The following SLC41A3 variants were observed in gnomAD, a reference collection of about 807,000 sequenced individuals.
SLC41A3 encodes the protein SLC41A1-like 2.
A neutral mutation model predicts 45.4 loss-of-function variants in SLC41A3; 44 were observed. The observed-to-expected ratio is 0.97, with a 90% CI of 0.76 to 1.25. SLC41A3 has a LOEUF of 1.25. Among genes scored for constraint, SLC41A3 ranks in the 50% most tolerant of loss-of-function variants. The pLI is 0.00. For missense variants in SLC41A3, 550 were observed against 600.6 expected, an observed-to-expected ratio of 0.92 and a Z score of 0.88; for synonymous variants, 256 against 252.4, an observed-to-expected ratio of 1.01 and a Z score of -0.13.
intron 1 of SLC41A3, among the ~76,000 whole-genome samples, chr3:126,073,601 C>T (rs1944734031): frequency 6.6e-6 from 1 of 151,802 alleles, no homozygotes; most frequent in Non-Finnish European, 1.5e-5. Flanking sequence ...ATAAATAAAG[C>T]TAAAAAAATT....
chr3:126,096,791 AC>A (rs34049220), intron 1 of SLC41A3, among the ~76,000 whole-genome samples: 34,371 of 152,088 alleles, frequency 0.23, 4,409 homozygotes, highest in Non-Finnish European at 0.28. Context: ...AGGCTGTGAG[AC>A]CCCTGATTTC....
chr3:126,041,675 C>G (rs1232893017), intron 3 of SLC41A3, among the ~76,000 whole-genome samples: 1 of 152,190 alleles, frequency 6.6e-6, no homozygotes, highest in Non-Finnish European at 1.5e-5. Flanking sequence ...TTACTTCCAA[C>G]AAATCTTATC....
chr3:126,013,320 G>A (rs999867361), intron 8 of SLC41A3, among the ~76,000 whole-genome samples: 4 of 152,026 alleles, frequency 2.6e-5, no homozygotes, highest in Non-Finnish European at 4.4e-5. Flanking sequence ...AGCACTTTTG[G>A]AGGCTGAGGT....
At chr3:126,036,234 T>A (rs1942178995) in intron 3 of SLC41A3, among the ~76,000 whole-genome samples, 1 of 152,226 alleles carries the variant, frequency 6.6e-6, no homozygotes, top group African/African-American at 2.4e-5. Context: ...GTATTCTCCA[T>A]GCACGCCTCG....
intron 2 of SLC41A3, among the ~76,000 whole-genome samples, chr3:126,052,158 C>T (rs913414910): frequency 2.0e-5 from 3 of 152,186 alleles, no homozygotes; most frequent in African/African-American, 7.2e-5. Context: ...AGTTTGCCCT[C>T]TCTTAAAACT....
upstream of SLC41A3, among the ~76,000 whole-genome samples, chr3:126,086,150 A>C (rs1945383418): frequency 1.3e-5 from 2 of 152,166 alleles, no homozygotes; most frequent in African/African-American, 4.8e-5. Context: ...GAAAACAAGG[A>C]GAATGACCTC....
At chr3:126,019,052 G>A (rs536911807) in intron 6 of SLC41A3, among the ~76,000 whole-genome samples, 7 of 152,252 alleles carry the variant, frequency 4.6e-5, no homozygotes, top group Admixed American at 3.3e-4. Context: ...TAAAGAAAAC[G>A]AATTTGTTCT....
chr3:126,053,704 G>A (rs936027903), intron 2 of SLC41A3, among the ~76,000 whole-genome samples: 1 of 151,928 alleles, frequency 6.6e-6, no homozygotes, highest in African/African-American at 2.4e-5. Context: ...TGATACCCTG[G>A]GCTTGTGTGG....
At chr3:126,064,544 C>T (rs1343083543) in intron 2 of SLC41A3, among the ~76,000 whole-genome samples, 1 of 152,028 alleles carries the variant, frequency 6.6e-6, no homozygotes, top group Non-Finnish European at 1.5e-5. Flanking sequence ...GTCCACCATC[C>T]CCATAACCCT....
chr3:126,075,686 G>A (rs934599071), intron 1 of SLC41A3, among the ~76,000 whole-genome samples: 1 of 152,178 alleles, frequency 6.6e-6, no homozygotes. Flanking sequence ...ATGCATCTAT[G>A]GCCAATGGAT....
chr3:126,048,739 G>A (rs1479233315), intron 3 of SLC41A3, among the ~76,000 whole-genome samples: 3 of 152,174 alleles, frequency 2.0e-5, no homozygotes, highest in Non-Finnish European at 4.4e-5. Context: ...AGATCAAAGG[G>A]GGCCGGTATG....
chr3:126,043,813 C>A (rs865850615), intron 3 of SLC41A3, among the ~76,000 whole-genome samples: 22 of 141,002 alleles, frequency 1.6e-4, no homozygotes, highest in East Asian at 4.1e-4. Context: ...CAAAAAAAAA[C>A]AAAAAAACAA....
rs893615305 is a variant in SLC41A3 at position 126,072,481 on chromosome 3, T to C, written c.-27-4235A>G. On this transcript the variant is annotated intron_variant, in intron 1 of 10. Transcript: ENST00000360370. ...AAGAAAAAAAGACAGAAGACTCAAA[T>C]AGTTAAATTAGGAATGAAAGAGGAA... Among the ~76,000 whole-genome samples, 20 of 150,828 alleles carry C rather than the reference T, an allele frequency of 1.3e-4. No individual in the cohort carries two copies. The East Asian group carries it at 2.5e-3, about 19-fold the overall frequency.
At chr3:126,047,848 A>AT (rs1320606397) in intron 3 of SLC41A3, among the ~76,000 whole-genome samples, 1 of 152,232 alleles carries the variant, frequency 6.6e-6, no homozygotes, top group African/African-American at 2.4e-5. Flanking sequence ...TTTCTTGGAT[A>AT]TGATACCAAA....
At chr3:126,086,407 T>C (rs1559897480), upstream of SLC41A3, among the ~76,000 whole-genome samples, 2 of 106,480 alleles carry the variant, frequency 1.9e-5, no homozygotes, top group African/African-American at 3.8e-5. Context: ...TTTGTTTTCT[T>C]GTTTTTTTTT....
At chr3:126,055,102 G>T (rs1042990737) in intron 2 of SLC41A3, among the ~76,000 whole-genome samples, 2 of 152,170 alleles carry the variant, frequency 1.3e-5, no homozygotes, top group African/African-American at 4.8e-5. Context: ...GGACCCAGGG[G>T]CACAGAAAGA....
chr3:126,071,757 G>A (rs1197626735), intron 1 of SLC41A3, among the ~76,000 whole-genome samples: 2 of 148,038 alleles, frequency 1.4e-5, no homozygotes, highest in East Asian at 4.0e-4. Flanking sequence ...TTATAAATAT[G>A]CGGAAATTAA....
In SLC41A3 at chr3:126,016,869, C is replaced by T. The variant is rs759960255; in HGVS notation, c.752G>A (p.Arg251Gln). Residue 251 changes from arginine to glutamine, a missense_variant, in exon 7 of 11, where the codon CGG becomes CAG. Coordinates refer to ENST00000360370, the MANE Select transcript of SLC41A3 (RefSeq NM_017836.4). ...SSFFYRHKDS[R>Q]YLTPLVCLSF... is the part of the protein sequence containing the mutation. ...GAGGCAGACCAGCGGCGTCAGATACCGACTATCTGAAAGGAGAACAGGGAC... is the reference window on the plus strand; with the variant it reads ...GAGGCAGACCAGCGGCGTCAGATACTGACTATCTGAAAGGAGAACAGGGAC... 8.1e-6 allele frequency: 13 copies of T among 1,611,804 alleles called. No homozygotes were observed. The highest frequency in any genetic ancestry group is 1.7e-5 in the Admixed American group (1 of 59,896).
chr3:126,067,268 T>C (rs1321008335), intron 2 of SLC41A3, among the ~76,000 whole-genome samples: 2 of 152,202 alleles, frequency 1.3e-5, no homozygotes, highest in Non-Finnish European at 1.5e-5. Context: ...ACTGCAACAT[T>C]TGTTTTTTAA....
Sources: allele counts gnomAD v4.1 joint callset (sites outside exome capture counted in the v4.1 genomes callset), GRCh38; gene constraint gnomAD v4.1.1; transcripts MANE v1.5; gene names NCBI Gene and HGNC (gene_info 2026-07-23, HGNC 2026-07-21).